HSD17B2: variants seen among roughly 807,000 people sequenced by gnomAD.
The protein encoded by HSD17B2 is 17-beta-hydroxysteroid dehydrogenase type 2.
A neutral mutation model predicts 26.9 loss-of-function variants in HSD17B2; 32 were observed. The ratio of observed to expected loss-of-function variants is 1.19; its 90% CI spans 0.90 to 1.60. The LOEUF is 1.60. Among genes scored for constraint, HSD17B2 ranks in the 40% most tolerant of loss-of-function variants. The pLI, the probability that HSD17B2 is intolerant of heterozygous loss-of-function variation, is 0.00. For missense variants in HSD17B2, 613 were observed against 468.6 expected (o/e 1.31, Z -2.85); for synonymous variants, 246 against 186.7 (o/e 1.32, Z -2.59).
intron 1 of HSD17B2, among the ~76,000 whole-genome samples, chr16:82,055,584 GA>G (rs1425116293): frequency 6.6e-6 from 1 of 152,168 alleles, no homozygotes; most frequent in East Asian, 1.9e-4. Flanking sequence ...AGCCCAAGTA[GA>G]ATAGAAGGTA....
At chr16:82,057,728 C>A (rs1050342157) in intron 1 of HSD17B2, among the ~76,000 whole-genome samples, 3 of 152,130 alleles carry the variant, frequency 2.0e-5, no homozygotes, top group Admixed American at 6.5e-5. Context: ...ATCTTCTTCC[C>A]CCAAACCTAT....
intron 4 of HSD17B2, chr16:82,093,363 T>C (rs919748742): frequency 1.3e-5 from 2 of 152,238 alleles, no homozygotes; most frequent in Non-Finnish European, 2.9e-5. Flanking sequence ...AATCAATATG[T>C]ATGTATCCTT....
At chr16:82,062,066 T>G (rs923592417) in intron 1 of HSD17B2, among the ~76,000 whole-genome samples, 1 of 152,224 alleles carries the variant, frequency 6.6e-6, no homozygotes. Context: ...CACCAGCTAA[T>G]ATGGTGCCCC....
intron 4 of HSD17B2, chr16:82,095,484 G>A (rs1904814727): frequency 6.5e-6 from 1 of 152,990 alleles, no homozygotes; most frequent in Admixed American, 6.5e-5. Context: ...AGGAGACAGC[G>A]TGGGAGACCG....
intron 3 of HSD17B2, among the ~76,000 whole-genome samples, chr16:82,080,150 G>A (rs920815093): frequency 2.6e-5 from 4 of 152,226 alleles, no homozygotes; most frequent in Admixed American, 6.5e-5. Context: ...TTGCTGCAGA[G>A]TAAATAACCC....
chr16:82,046,553 T>C (rs1258581945), intron 1 of HSD17B2, among the ~76,000 whole-genome samples: 1 of 151,938 alleles, frequency 6.6e-6, no homozygotes, highest in East Asian at 1.9e-4. Context: ...TAAAACCCCA[T>C]ATCTACCAAA....
intron 3 of HSD17B2, chr16:82,090,246 G>C (rs577568507): frequency 1.0e-6 from 1 of 967,624 alleles, no homozygotes; most frequent in East Asian, 1.2e-4. Flanking sequence ...ATGTTGGTCA[G>C]GCTAGAAGAT....
At chr16:82,097,001 T>C (rs1047757162) in intron 4 of HSD17B2, 16 of 151,202 alleles carry the variant, frequency 1.1e-4, no homozygotes, top group Non-Finnish European at 1.6e-4. Flanking sequence ...TCCTGTTCTG[T>C]TTTGTTTTTT....
At chr16:82,043,386 A>G (rs1004747480) in intron 1 of HSD17B2, among the ~76,000 whole-genome samples, 5 of 152,070 alleles carry the variant, frequency 3.3e-5, no homozygotes, top group Non-Finnish European at 2.9e-5. Flanking sequence ...TTTAGGGTTT[A>G]TAAAAATCAT....
chr16:82,075,647 C>T (rs148740375), intron 3 of HSD17B2, among the ~76,000 whole-genome samples: 1 of 151,870 alleles, frequency 6.6e-6, no homozygotes, highest in Non-Finnish European at 1.5e-5. Context: ...TTACAGAGAG[C>T]CTACCAAGAT....
At chr16:82,088,811 A>G (rs942317692) in intron 3 of HSD17B2, among the ~76,000 whole-genome samples, 3 of 152,248 alleles carry the variant, frequency 2.0e-5, no homozygotes, top group Non-Finnish European at 2.9e-5. Context: ...TGTTAAAATT[A>G]TATCAGTTAA....
chr16:82,044,118 T>C (rs1164596814), intron 1 of HSD17B2, among the ~76,000 whole-genome samples: 2 of 152,198 alleles, frequency 1.3e-5, no homozygotes, highest in African/African-American at 4.8e-5. Flanking sequence ...CCATTTCCAG[T>C]TTCTTTCTTG....
chr16:82,046,678 T>C (rs574220962), intron 1 of HSD17B2, among the ~76,000 whole-genome samples: 1 of 144,174 alleles, frequency 6.9e-6, no homozygotes, highest in Non-Finnish European at 1.5e-5. Flanking sequence ...GAGCTGATAA[T>C]GGAAAAAAAA....
chr16:82,089,769 C>T (rs532920396), intron 3 of HSD17B2, among the ~76,000 whole-genome samples: 1 of 152,214 alleles, frequency 6.6e-6, no homozygotes, highest in South Asian at 2.1e-4. Flanking sequence ...TTCATGTGGC[C>T]TTCTCCCTTG....
intron 1 of HSD17B2, among the ~76,000 whole-genome samples, chr16:82,036,874 G>A (rs1025696868): frequency 7.9e-5 from 12 of 152,174 alleles, no homozygotes; most frequent in East Asian, 3.9e-4. Context: ...ATGGCTTATC[G>A]GTGAAATTTG....
rs367841263 is a variant in HSD17B2, at chr16:82,088,854, C to T, written c.665-2048C>T. Among the ~76,000 whole-genome samples the T allele has an allele frequency of 2.2e-4, 33 of 152,252 alleles. No homozygotes were observed. In the South Asian group the frequency reaches 6.8e-3, roughly 32 times the overall value. On this transcript the variant is annotated intron_variant, in intron 3 of 4. Coordinates refer to ENST00000199936, the MANE Select transcript of HSD17B2 (RefSeq NM_002153.3). ...GACCTTTTGTGTTTAAGTGACAGGG[C>T]CAAACCCCAAGTTAGCTTACACCAA... is the stretch of plus-strand genomic sequence containing the variant.
At chr16:82,080,910 T>C (rs1904361465) in intron 3 of HSD17B2, among the ~76,000 whole-genome samples, 1 of 152,176 alleles carries the variant, frequency 6.6e-6, no homozygotes, top group Non-Finnish European at 1.5e-5. Context: ...TTAATGCAAA[T>C]TCCCTTCAGA....
chr16:82,042,420 A>T (rs1362740921), intron 1 of HSD17B2, among the ~76,000 whole-genome samples: 1 of 152,140 alleles, frequency 6.6e-6, no homozygotes, highest in Non-Finnish European at 1.5e-5. Flanking sequence ...AACTTGGTGG[A>T]GGGTGGTAAG....
chr16:82,078,406 GA>G (rs1904314654), intron 3 of HSD17B2, among the ~76,000 whole-genome samples: 1 of 152,220 alleles, frequency 6.6e-6, no homozygotes, highest in Non-Finnish European at 1.5e-5. Flanking sequence ...TAAGGATGTG[GA>G]GAAAGAGAAC....
Sources: gnomAD v4.1 joint callset for allele counts (sites outside exome capture counted in the v4.1 genomes callset) on GRCh38, gnomAD v4.1.1 for gene constraint, MANE v1.5 for transcripts, NCBI Gene and HGNC (gene_info 2026-07-23, HGNC 2026-07-21) for gene names.